Variants in GHRH observed in about 807,000 individuals in gnomAD.
GHRH encodes somatoliberin.
Under a neutral mutation model 15.6 loss-of-function variants are expected in GHRH, and 7 were observed. That is an observed-to-expected ratio of 0.45 (90% CI 0.26 to 0.84). The LOEUF (loss-of-function observed/expected upper bound fraction) is 0.84. GHRH is among the 40% of genes least tolerant of loss of function. The pLI is 0.18. For missense variants in GHRH, 117 were observed against 138.0 expected (o/e 0.85, Z 0.76); for synonymous variants, 54 against 50.4 (o/e 1.07, Z -0.30).
chr20:37,252,450 G>T (rs2068626935), intron 4 of GHRH, among the ~76,000 whole-genome samples: 1 of 152,210 alleles, frequency 6.6e-6, no homozygotes, highest in Non-Finnish European at 1.5e-5. Context: ...AGCCACACTG[G>T]GACCTGCTTG....
intron 2 of GHRH, 106 bp downstream of exon 2, chr20:37,256,701 G>T: frequency 1.1e-6 from 1 of 909,778 alleles, no homozygotes; most frequent in Non-Finnish European, 1.7e-6. Context: ...GCTGCCTGGA[G>T]ACATAGCCAG....
intron 4 of GHRH, among the ~76,000 whole-genome samples, chr20:37,252,234 C>T (rs1311003516): frequency 1.3e-5 from 2 of 152,232 alleles, no homozygotes; most frequent in Non-Finnish European, 2.9e-5. Context: ...GTTGCAGAAA[C>T]AGGCCTGGGG....
Position 37,256,864 on chromosome 20 carries a change from A to T in GHRH, c.26T>A (p.Val9Glu). MPLWVFFF[V>E]ILTLSNSSHC... ...GGAGCTGTTGCTGAGGGTGAGGATC[A>T]CAAAGAAGAACACCCAGAGTGGCAT... Residue 9 changes from valine (V) to glutamate (E), a missense_variant, in exon 2 of 5, where the codon GTG becomes GAG. Coordinates refer to ENST00000373614, the MANE Select transcript of GHRH (RefSeq NM_021081.6). 6.2e-7 allele frequency: 1 copy of T among 1,612,628 alleles called. No homozygotes were observed. The highest frequency in any genetic ancestry group is 1.3e-5 in the African/African-American group (1 of 75,046).
At position 37,256,658 on chromosome 20, in the gene GHRH, T is replaced by C. The variant is rs1027689224; in HGVS notation, c.83+149A>G. On this transcript the variant is annotated intron_variant, in intron 2 of 4. Transcript: ENST00000373614. ...CCTCTGAGTGACCTCTGTGAAGCTG[T>C]GTCTGCCTCCTCTGCAAGGACGGGC... is the stretch of plus-strand genomic sequence containing the variant. 8.1e-6 allele frequency: 6 copies of C among 738,682 alleles called. No individual in the cohort carries two copies. In the African/African-American group the frequency reaches 1.1e-4, roughly 13 times the overall value. The allele number at this position is 738,682 out of a possible 1,614,324, so 45.8% of individuals were successfully genotyped here.
At chr20:37,253,694 C>A (rs2068636283) in intron 4 of GHRH, among the ~76,000 whole-genome samples, 1 of 152,200 alleles carries the variant, frequency 6.6e-6, no homozygotes, top group Non-Finnish European at 1.5e-5. Context: ...CCCCATCAGC[C>A]TCCCAAAGTG....
chr20:37,253,773 C>T (rs886083175), intron 4 of GHRH, among the ~76,000 whole-genome samples: 3 of 152,090 alleles, frequency 2.0e-5, no homozygotes, highest in East Asian at 1.9e-4. Flanking sequence ...TTATTTTAGA[C>T]AGAGTCTTGC....
intron 4 of GHRH, 71 bp downstream of exon 4, chr20:37,254,139 C>T: frequency 1.9e-6 from 3 of 1,554,440 alleles, no homozygotes; most frequent in Admixed American, 3.4e-5. Flanking sequence ...TGGATTTTTT[C>T]CTTTTCCTGG....
At chr20:37,252,265 C>G (rs1225595992) in intron 4 of GHRH, among the ~76,000 whole-genome samples, 2 of 152,170 alleles carry the variant, frequency 1.3e-5, no homozygotes, top group Admixed American at 6.5e-5. Context: ...CTTCCCGCCT[C>G]CCAGACTGGT....
chr20:37,259,723 T>A (rs2068677646), intron 1 of GHRH, among the ~76,000 whole-genome samples: 1 of 152,210 alleles, frequency 6.6e-6, no homozygotes, highest in Non-Finnish European at 1.5e-5. Flanking sequence ...GGCATCCCCA[T>A]GCTCCTCTTA....
intron 1 of GHRH, among the ~76,000 whole-genome samples, chr20:37,257,248 C>T (rs971954840): frequency 1.3e-5 from 2 of 152,186 alleles, no homozygotes; most frequent in Admixed American, 6.5e-5. Context: ...GGCACAGTGA[C>T]TCACGCCTGT....
chr20:37,261,665 C>T (rs1372221282), intron 1 of GHRH, 78 bp downstream of exon 1: 1 of 152,240 alleles, frequency 6.6e-6, no homozygotes, highest in Non-Finnish European at 1.5e-5. Flanking sequence ...CTCTTGGACT[C>T]AGTGTTTCTA....
rs1209118225 is a variant in GHRH, at chr20:37,256,919, A to G, written c.-19-11T>C. 1.3e-6 allele frequency: 2 copies of G among 1,529,296 alleles called. No individual in the cohort carries two copies. The highest frequency in any genetic ancestry group is 1.8e-6 in the Non-Finnish European group (2 of 1,112,966). 94.7% of individuals were successfully genotyped at this position (1,529,296 alleles called of 1,614,324 possible). On this transcript the variant is annotated splice_polypyrimidine_tract_variant and intron_variant, in intron 1 of 4. Coordinates refer to ENST00000373614, the MANE Select transcript of GHRH (RefSeq NM_021081.6). ...CACCCGGGGTGGCACCTGCAGAGTG[A>G]CAGGAGGGGAAGGTCAGGTACAGCC...
Position 37,256,900 on chromosome 20 carries a change from G to A in GHRH, c.-11C>T. The A allele has an allele frequency of 6.2e-7, 1 of 1,600,122 alleles. No individual in the cohort carries two copies. Among genetic ancestry groups the A allele is most frequent in the Non-Finnish European group, 8.5e-7 (1 of 1,172,410 alleles). On this transcript the variant is annotated 5_prime_UTR_variant, in exon 2 of 5. Transcript: ENST00000373614. ...CACCCAGAGTGGCATCCTTCACCCG[G>A]GGTGGCACCTGCAGAGTGACAGGAG...
At chr20:37,255,238 T>C (rs1419079758) in intron 3 of GHRH, among the ~76,000 whole-genome samples, 2 of 152,286 alleles carry the variant, frequency 1.3e-5, no homozygotes, top group Middle Eastern at 3.4e-3. Flanking sequence ...TGGAAGTCCA[T>C]TGTGCTTTTG....
At chr20:37,255,540 A>G (rs1171131180) in intron 3 of GHRH, among the ~76,000 whole-genome samples, 2 of 151,434 alleles carry the variant, frequency 1.3e-5, no homozygotes, top group Non-Finnish European at 2.9e-5. Context: ...GGGCACCTGT[A>G]GTCTCAGCTA....
At chr20:37,254,439 G>C in intron 3 of GHRH, 110 bp from the exon 4 acceptor site, 1 of 1,113,640 alleles carries the variant, frequency 9.0e-7, no homozygotes, top group Non-Finnish European at 1.4e-6. Context: ...CTACCCAACT[G>C]AATTAGATTC....
At chr20:37,257,839 T>C (rs1027834097) in intron 1 of GHRH, among the ~76,000 whole-genome samples, 44 of 152,328 alleles carry the variant, frequency 2.9e-4, no homozygotes, top group Admixed American at 4.6e-4. Context: ...CCTGAACCAA[T>C]AGGGAATTCT....
At chr20:37,257,396 T>C (rs2068663647) in intron 1 of GHRH, among the ~76,000 whole-genome samples, 1 of 151,364 alleles carries the variant, frequency 6.6e-6, no homozygotes, top group Non-Finnish European at 1.5e-5. Context: ...GTGCCTGTAA[T>C]CCCAGCTACT....
chr20:37,256,972 C>T lies in GHRH; in HGVS notation c.-19-64G>A, dbSNP rs2068660994. 1.5e-5 allele frequency: 15 copies of T among 1,016,930 alleles called. No individual in the cohort carries two copies. In the South Asian group the frequency reaches 2.1e-4, roughly 14 times the overall value. 63.0% of individuals were successfully genotyped at this position (1,016,930 alleles called of 1,614,324 possible). A position where few individuals can be genotyped will look rare whatever the true frequency, so the allele number is the denominator to read the frequency against. On this transcript the variant is annotated intron_variant, in intron 1 of 4. Coordinates refer to ENST00000373614, the MANE Select transcript of GHRH (RefSeq NM_021081.6). ...AGCCATTGGGATGGCCTTCACTGGC[C>T]CAGCCCTGGGCTTGGCTCCATGGCA...
Sources: allele counts gnomAD v4.1 joint callset (sites outside exome capture counted in the v4.1 genomes callset), GRCh38; gene constraint gnomAD v4.1.1; transcripts MANE v1.5; gene names NCBI Gene and HGNC (gene_info 2026-07-23, HGNC 2026-07-21).